KCNN3: variants seen among roughly 807,000 people sequenced by gnomAD.
The protein encoded by KCNN3 is small conductance calcium-activated potassium channel protein 3.
KCNN3 carries 16 observed loss-of-function variants against 62.9 expected under a neutral mutation model. The observed-to-expected ratio is 0.25, with a 90% CI of 0.17 to 0.39. The LOEUF is 0.39. Among genes scored for constraint, KCNN3 ranks in the 10% least tolerant of loss-of-function variants. The pLI, the probability that KCNN3 is intolerant of heterozygous loss-of-function variation, is 1.00. For missense variants in KCNN3, 599 were observed against 949.4 expected (o/e 0.63, Z 4.85); for synonymous variants, 370 against 389.2 (o/e 0.95, Z 0.58).
At chr1:154,755,131 G>A (rs1647576677) in intron 3 of KCNN3, among the ~76,000 whole-genome samples, 2 of 152,132 alleles carry the variant, frequency 1.3e-5, no homozygotes, top group Non-Finnish European at 2.9e-5. Flanking sequence ...AGATGCCAAA[G>A]TAATATTTTT....
At chr1:154,833,556 T>C (rs1651460602) in intron 1 of KCNN3, among the ~76,000 whole-genome samples, 1 of 152,144 alleles carries the variant, frequency 6.6e-6, no homozygotes. Context: ...TTCTAAGCCA[T>C]CAAGTCTGAC....
At chr1:154,864,576 C>T (rs1417882199) in intron 1 of KCNN3, among the ~76,000 whole-genome samples, 1 of 152,258 alleles carries the variant, frequency 6.6e-6, no homozygotes, top group African/African-American at 2.4e-5. Flanking sequence ...GCCAGACGAC[C>T]AGGCTCCCCT....
chr1:154,792,823 A>G (rs1049044020), intron 2 of KCNN3, among the ~76,000 whole-genome samples: 1 of 152,148 alleles, frequency 6.6e-6, no homozygotes, highest in Non-Finnish European at 1.5e-5. Context: ...GTTTCCATTG[A>G]GCTGCCTTCC....
At position 154,869,320 on chromosome 1, in the gene KCNN3, G is replaced by C. The variant is rs766011548; in HGVS notation, c.645C>G (p.Asn215Lys). Residue 215 changes from asparagine (N) to lysine (K), a missense_variant, in exon 1 of 8, where the codon AAC becomes AAG. Asn to Lys is a moderately conservative substitution (Grantham distance 94). This residue lies in a region of KCNN3 where 80 missense variants were observed against 85.4 expected (regional missense o/e 0.94). Transcript: ENST00000271915. The surrounding 1 kb of genome is among the most constrained non-coding windows in gnomAD (Gnocchi z 6.1). ...GQPLQLFSPSNPPEIVISSRE... is the reference protein window; with the variant it reads ...GQPLQLFSPSKPPEIVISSRE... The stretch of plus-strand genomic sequence containing the variant: ...GGGAGGAGATGACGATCTCCGGGGG[G>C]TTGCTAGGGCTGAAAAGCTGGAGGG... The C allele has an allele frequency of 8.7e-6, 14 of 1,613,764 alleles. No individual in the cohort carries two copies. Among genetic ancestry groups the C allele is most frequent in the African/African-American group, 1.3e-5 (1 of 75,036 alleles).
chr1:154,840,920 C>T (rs968254773), intron 1 of KCNN3, among the ~76,000 whole-genome samples: 1 of 152,208 alleles, frequency 6.6e-6, no homozygotes, highest in African/African-American at 2.4e-5. Context: ...GTGTGTGCAC[C>T]GCACCCTGCC....
At chr1:154,749,324 G>T (rs1647238253) in intron 3 of KCNN3, among the ~76,000 whole-genome samples, 1 of 152,226 alleles carries the variant, frequency 6.6e-6, no homozygotes, top group South Asian at 2.1e-4. Flanking sequence ...GCTCTTCTCA[G>T]TTATGCTTTC....
Position 154,822,042 on chromosome 1 carries a change from G to A in KCNN3, c.1029+47C>T, listed in dbSNP as rs1650920219. On this transcript the variant is annotated intron_variant, in intron 2 of 7. Transcript: ENST00000271915. ...GGGGATGGGCTCGGCTCAGAGCAAG[G>A]CCAAAGGATCAGCCGCTGCATGAAG... 22 of 1,448,936 alleles carry A rather than the reference G, an allele frequency of 1.5e-5. 1 individual carries two copies. The East Asian group carries it at 5.0e-4, about 33-fold the overall frequency. The allele number at this position is 1,448,936 out of a possible 1,614,324, so 89.8% of individuals were successfully genotyped here.
chr1:154,709,835 G>A (rs765610881), intron 7 of KCNN3, among the ~76,000 whole-genome samples: 20 of 152,174 alleles, frequency 1.3e-4, no homozygotes, highest in Admixed American at 2.6e-4. Context: ...TCATTTGACC[G>A]CAGGGGCACC....
At chr1:154,845,676 C>G (rs1218564) in intron 1 of KCNN3, among the ~76,000 whole-genome samples, 146,559 of 152,090 alleles carry the variant, frequency 0.96, 70,856 homozygotes, top group East Asian at 1. Flanking sequence ...CATGACCAGA[C>G]CACCCCCGCA....
chr1:154,780,373 C>T lies in KCNN3; in HGVS notation c.1030-7980G>A, dbSNP rs867410256. Reference sequence around the variant, plus strand: ...AGGAGAGCGTATTCCTGCTTAGACACTTTCTGACCAACCTGAAAAACTTTC... The same window carrying T: ...AGGAGAGCGTATTCCTGCTTAGACATTTTCTGACCAACCTGAAAAACTTTC... On this transcript the variant is annotated intron_variant, in intron 2 of 7. Transcript: ENST00000271915. Among the ~76,000 whole-genome samples, 38 of 150,704 alleles carry T rather than the reference C, an allele frequency of 2.5e-4. No individual in the cohort carries two copies. In the Middle Eastern group the frequency reaches 0.014, roughly 54 times the overall value.
intron 3 of KCNN3, among the ~76,000 whole-genome samples, chr1:154,741,569 C>T (rs1053721793): frequency 2.0e-5 from 3 of 152,212 alleles, no homozygotes; most frequent in Non-Finnish European, 4.4e-5. Context: ...TCAGTTCTCA[C>T]TATTAATAAG....
At chr1:154,710,872 G>A (rs1368004692) in intron 7 of KCNN3, among the ~76,000 whole-genome samples, 14 of 152,154 alleles carry the variant, frequency 9.2e-5, no homozygotes, top group African/African-American at 3.4e-4. Flanking sequence ...TGGAGAAATA[G>A]GAACACTTTT....
intron 1 of KCNN3, among the ~76,000 whole-genome samples, chr1:154,850,198 G>A (rs934860191): frequency 2.6e-5 from 4 of 152,158 alleles, no homozygotes; most frequent in African/African-American, 9.7e-5. Context: ...TCAAGTCACC[G>A]GCCTAAGCTC....
chr1:154,851,973 C>T (rs990017514), intron 1 of KCNN3, among the ~76,000 whole-genome samples: 1 of 152,360 alleles, frequency 6.6e-6, no homozygotes, highest in South Asian at 2.1e-4. Flanking sequence ...CTCACAACCC[C>T]GCCCACATGA....
At chr1:154,726,999 A>G (rs12092263) in intron 4 of KCNN3, among the ~76,000 whole-genome samples, 4,360 of 152,262 alleles carry the variant, frequency 0.029, 212 homozygotes, top group African/African-American at 0.098. Flanking sequence ...CATTCTCCCA[A>G]TGCATTTTAA....
chr1:154,705,889 A>C lies in KCNN3; in HGVS notation c.*2087T>G, dbSNP rs1486291775. 1 of 152,226 alleles carries C rather than the reference A, an allele frequency of 6.6e-6. No homozygotes were observed. Among genetic ancestry groups the C allele is most frequent in the African/African-American group, 2.4e-5 (1 of 41,452 alleles). The allele number at this position is 152,226 out of a possible 1,614,324, so 9.4% of individuals were successfully genotyped here. On this transcript the variant is annotated 3_prime_UTR_variant, in exon 8 of 8. Transcript: ENST00000271915. ...GGAACTAATGCCACAAGGAAACTGC[A>C]TGGTTACTTCATCTGTTTACACATC...
At chr1:154,830,124 C>T (rs140578598) in intron 1 of KCNN3, among the ~76,000 whole-genome samples, 67 of 152,312 alleles carry the variant, frequency 4.4e-4, no homozygotes, top group Non-Finnish European at 8.1e-4. Flanking sequence ...AGCAGGTAGA[C>T]ACTTCCATCC....
intron 2 of KCNN3, among the ~76,000 whole-genome samples, chr1:154,798,821 G>A (rs1326595959): frequency 2.0e-5 from 3 of 152,098 alleles, no homozygotes; most frequent in Admixed American, 6.5e-5. Flanking sequence ...TCTAGTTCCA[G>A]GCCTTCCATC....
At chr1:154,836,590 G>A (rs1055180130) in intron 1 of KCNN3, among the ~76,000 whole-genome samples, 9 of 152,172 alleles carry the variant, frequency 5.9e-5, no homozygotes, top group Non-Finnish European at 1.2e-4. Context: ...TGTCTGGAGC[G>A]TTTCTCTCAC....
Sources: allele counts gnomAD v4.1 joint callset (sites outside exome capture counted in the v4.1 genomes callset), GRCh38; gene constraint gnomAD v4.1.1; regional missense constraint gnomAD v4.1.1; non-coding constraint Gnocchi (gnomAD v3.1); transcripts MANE v1.5; gene names NCBI Gene and HGNC (gene_info 2026-07-23, HGNC 2026-07-21).